Variants in SEMA3E observed in about 807,000 individuals in gnomAD.
SEMA3E encodes the protein semaphorin-3E.
SEMA3E carries 49 observed loss-of-function variants against 93.6 expected under a neutral mutation model. That is an observed-to-expected ratio of 0.52 (90% CI 0.42 to 0.66). SEMA3E has a LOEUF of 0.66. Among genes scored for constraint, SEMA3E ranks in the 30% least tolerant of loss-of-function variants. SEMA3E has a pLI of 0.00. For synonymous variants in SEMA3E, 363 were observed against 330.7 expected (o/e 1.10, Z -1.06); for missense variants, 906 against 964.8 (o/e 0.94, Z 0.81).
intron 1 of SEMA3E, among the ~76,000 whole-genome samples, chr7:83,638,860 C>A: frequency 6.6e-6 from 1 of 151,874 alleles, no homozygotes; most frequent in East Asian, 1.9e-4. Flanking sequence ...GCCTGTAATC[C>A]CAGCACTTTG....
At chr7:83,395,050 A>G (rs1450485598) in intron 12 of SEMA3E, among the ~76,000 whole-genome samples, 3 of 152,190 alleles carry the variant, frequency 2.0e-5, no homozygotes, top group African/African-American at 7.2e-5. Flanking sequence ...TTAAGAGGGA[A>G]CATTTGATCC....
intron 1 of SEMA3E, among the ~76,000 whole-genome samples, chr7:83,566,953 A>G (rs868387459): frequency 2.0e-5 from 3 of 152,216 alleles, no homozygotes; most frequent in Non-Finnish European, 4.4e-5. Flanking sequence ...ATGTAAACAT[A>G]CAAGTTTTCC....
intron 1 of SEMA3E, among the ~76,000 whole-genome samples, chr7:83,640,791 A>T (rs1376087364): frequency 1.3e-5 from 2 of 152,172 alleles, no homozygotes; most frequent in African/African-American, 2.4e-5. Flanking sequence ...GAAGAGAAGT[A>T]GAAGAAGAGA....
At chr7:83,443,723 C>CA (rs1284208467) in intron 4 of SEMA3E, among the ~76,000 whole-genome samples, 1 of 151,010 alleles carries the variant, frequency 6.6e-6, no homozygotes, top group Admixed American at 6.6e-5. Context: ...TTTAAAAATT[C>CA]AAAAAAAATT....
At chr7:83,506,698 A>G (rs1415737577) in intron 1 of SEMA3E, among the ~76,000 whole-genome samples, 1 of 152,230 alleles carries the variant, frequency 6.6e-6, no homozygotes, top group Non-Finnish European at 1.5e-5. Context: ...CATATAAATC[A>G]TAATGTAATC....
chr7:83,564,785 A>C (rs1018566136), intron 1 of SEMA3E, among the ~76,000 whole-genome samples: 1 of 152,232 alleles, frequency 6.6e-6, no homozygotes, highest in African/African-American at 2.4e-5. Flanking sequence ...TGACAATTAC[A>C]TGGTTGGCTA....
At chr7:83,498,952 A>G (rs1790544322) in intron 1 of SEMA3E, among the ~76,000 whole-genome samples, 1 of 152,188 alleles carries the variant, frequency 6.6e-6, no homozygotes, top group African/African-American at 2.4e-5. Flanking sequence ...TTTTATGCAT[A>G]TGCAACAAAT....
At chr7:83,451,759 T>C (rs761147224) in intron 4 of SEMA3E, among the ~76,000 whole-genome samples, 34 of 152,342 alleles carry the variant, frequency 2.2e-4, no homozygotes, top group South Asian at 1.2e-3. Flanking sequence ...CACAATTTAC[T>C]ATGTGAAACC....
In SEMA3E at chr7:83,551,313, T is replaced by C. The variant is rs565663108; in HGVS notation, c.116-61039A>G. Among the ~76,000 whole-genome samples, 112 of 152,212 alleles carry C rather than the reference T, an allele frequency of 7.4e-4. 1 individual carries two copies. In the Middle Eastern group the frequency reaches 0.01, roughly 14 times the overall value. The stretch of plus-strand genomic sequence containing the variant: ...ACCATGTTGGAAAAATAACAAAATA[T>C]AGCTACTCTCAACAGTGTGAAAGAG... On this transcript the variant is annotated intron_variant, in intron 1 of 16. Coordinates refer to ENST00000643230, the MANE Select transcript of SEMA3E (RefSeq NM_012431.3).
intron 1 of SEMA3E, among the ~76,000 whole-genome samples, chr7:83,607,468 C>A (rs938105347): frequency 3.3e-5 from 5 of 152,112 alleles, no homozygotes; most frequent in Non-Finnish European, 5.9e-5. Flanking sequence ...ATTAAGTTAG[C>A]CAGAGTATGG....
At chr7:83,426,658 C>T (rs1047033965) in intron 4 of SEMA3E, among the ~76,000 whole-genome samples, 8 of 152,178 alleles carry the variant, frequency 5.3e-5, no homozygotes, top group South Asian at 4.2e-4. Flanking sequence ...CATGTACTCC[C>T]GACTCTAAAA....
At chr7:83,646,516 A>T (rs1794081520) in intron 1 of SEMA3E, among the ~76,000 whole-genome samples, 1 of 152,028 alleles carries the variant, frequency 6.6e-6, no homozygotes, top group Non-Finnish European at 1.5e-5. Flanking sequence ...AACTCTCTCT[A>T]TTCTGCCTTT....
At chr7:83,476,896 A>G (rs896829148) in intron 2 of SEMA3E, among the ~76,000 whole-genome samples, 1 of 152,234 alleles carries the variant, frequency 6.6e-6, no homozygotes, top group African/African-American at 2.4e-5. Flanking sequence ...ACATCATTTC[A>G]TCACAATACC....
chr7:83,623,441 A>T (rs1793606500), intron 1 of SEMA3E, among the ~76,000 whole-genome samples: 1 of 152,116 alleles, frequency 6.6e-6, no homozygotes, highest in African/African-American at 2.4e-5. Flanking sequence ...GTGTTCAAAT[A>T]TATTGCTACA....
intron 4 of SEMA3E, among the ~76,000 whole-genome samples, chr7:83,453,017 C>T (rs982746949): frequency 6.6e-6 from 1 of 152,040 alleles, no homozygotes; most frequent in Non-Finnish European, 1.5e-5. Context: ...TCTTCTAATG[C>T]TAATTTATAT....
intron 2 of SEMA3E, among the ~76,000 whole-genome samples, chr7:83,482,868 T>C (rs937377643): frequency 2.0e-5 from 3 of 151,808 alleles, no homozygotes; most frequent in African/African-American, 7.3e-5. Context: ...ATTGGATATG[T>C]TTGAAGGTTA....
chr7:83,628,887 C>T (rs1010050008), intron 1 of SEMA3E, among the ~76,000 whole-genome samples: 5 of 152,034 alleles, frequency 3.3e-5, no homozygotes, highest in African/African-American at 1.2e-4. Flanking sequence ...GAATTTTCAG[C>T]TTTTTTGTGC....
At position 83,441,318 on chromosome 7, in the gene SEMA3E, A is replaced by G. The variant is rs552982737; in HGVS notation, c.457-22835T>C. ...AAGGACGGGTTTTTAAGAAAACCTG[A>G]TAACATTTCATATGGGGAATGTGAT... On this transcript the variant is annotated intron_variant, in intron 4 of 16. Coordinates refer to ENST00000643230, the MANE Select transcript of SEMA3E (RefSeq NM_012431.3). Among the ~76,000 whole-genome samples, 7 of 152,338 alleles carry G rather than the reference A, an allele frequency of 4.6e-5. No homozygotes were observed. The East Asian group carries it at 9.6e-4, about 21-fold the overall frequency.
chr7:83,445,361 T>C (rs1032023503), intron 4 of SEMA3E, among the ~76,000 whole-genome samples: 1 of 146,984 alleles, frequency 6.8e-6, no homozygotes, highest in Non-Finnish European at 1.5e-5. Flanking sequence ...AAGGTAGAGG[T>C]GGATAGAAAA....
Sources: allele counts gnomAD v4.1 joint callset (sites outside exome capture counted in the v4.1 genomes callset), GRCh38; gene constraint gnomAD v4.1.1; transcripts MANE v1.5; gene names NCBI Gene and HGNC (gene_info 2026-07-23, HGNC 2026-07-21).